Variants in PPP2R2B observed in about 807,000 individuals in gnomAD.
The protein encoded by PPP2R2B is serine/threonine-protein phosphatase 2A 55 kDa regulatory subunit B beta isoform.
A neutral mutation model predicts 46.0 loss-of-function variants in PPP2R2B; 5 were observed. That is an observed-to-expected ratio of 0.11 (90% CI 0.06 to 0.23). PPP2R2B has a LOEUF of 0.23. PPP2R2B is among the 10% of genes least tolerant of loss of function. The probability of loss-of-function intolerance (pLI) is 1.00; values close to 1 mark genes in which losing one functional copy is unlikely to be tolerated. For synonymous variants in PPP2R2B, 215 were observed against 206.7 expected (o/e 1.04, Z -0.34); for missense variants, 367 against 575.0 (o/e 0.64, Z 3.70).
chr5:147,015,508 C>T (rs1162839679), intron 1 of PPP2R2B, among the ~76,000 whole-genome samples: 1 of 151,532 alleles, frequency 6.6e-6, no homozygotes, highest in African/African-American at 2.4e-5. Flanking sequence ...ATGCCTAAAT[C>T]AAAAGCCATC....
intron 1 of PPP2R2B, among the ~76,000 whole-genome samples, chr5:146,910,375 C>T (rs1444164203): frequency 1.3e-5 from 2 of 152,200 alleles, no homozygotes; most frequent in Admixed American, 6.5e-5. Context: ...AAGGATGAGA[C>T]AAGTGTAGTG....
At chr5:146,617,422 A>C (rs1264130093) in intron 7 of PPP2R2B, among the ~76,000 whole-genome samples, 5 of 152,214 alleles carry the variant, frequency 3.3e-5, no homozygotes. Flanking sequence ...CGTTTACCCC[A>C]ATGTGATTAT....
chr5:146,849,173 G>T (rs1168089658), intron 2 of PPP2R2B, among the ~76,000 whole-genome samples: 2 of 152,116 alleles, frequency 1.3e-5, no homozygotes, highest in East Asian at 3.9e-4. Flanking sequence ...TAGAAATCAA[G>T]ATCTGGGTGC....
At chr5:146,925,846 C>T (rs887385156) in intron 1 of PPP2R2B, among the ~76,000 whole-genome samples, 1 of 152,052 alleles carries the variant, frequency 6.6e-6, no homozygotes, top group African/African-American at 2.4e-5. Context: ...GTTTTCTCAC[C>T]ATTCTCTAGA....
intron 1 of PPP2R2B, among the ~76,000 whole-genome samples, chr5:146,982,847 C>T (rs1753237477): frequency 6.6e-6 from 1 of 152,018 alleles, no homozygotes; most frequent in African/African-American, 2.4e-5. Flanking sequence ...GTTAATGTAG[C>T]CACTTCTGCT....
At chr5:146,808,996 C>T (rs868580536) in intron 2 of PPP2R2B, among the ~76,000 whole-genome samples, 14 of 122,386 alleles carry the variant, frequency 1.1e-4, no homozygotes, top group South Asian at 5.8e-4. Flanking sequence ...TGTGTGTGTG[C>T]GCGCGCACCC....
chr5:146,891,425 CA>C (rs1169909927), intron 1 of PPP2R2B, among the ~76,000 whole-genome samples: 1 of 152,214 alleles, frequency 6.6e-6, no homozygotes, highest in African/African-American at 2.4e-5. Flanking sequence ...TCATTGTCTA[CA>C]TGGATGCTAG....
At chr5:146,816,581 A>G (rs1291358169) in intron 2 of PPP2R2B, among the ~76,000 whole-genome samples, 1 of 152,220 alleles carries the variant, frequency 6.6e-6, no homozygotes, top group East Asian at 1.9e-4. Flanking sequence ...TGCATTCAAC[A>G]TGATTTCAAT....
chr5:146,829,141 C>A (rs779610497), intron 2 of PPP2R2B, among the ~76,000 whole-genome samples: 1 of 152,038 alleles, frequency 6.6e-6, no homozygotes, highest in Non-Finnish European at 1.5e-5. Flanking sequence ...AATTATACTG[C>A]AAGACAAGGG....
intron 2 of PPP2R2B, among the ~76,000 whole-genome samples, chr5:146,774,011 C>T (rs768191747): frequency 2.6e-5 from 4 of 152,236 alleles, no homozygotes; most frequent in African/African-American, 9.6e-5. Context: ...ATCTTAGTAT[C>T]CATAAGCAAA....
intron 2 of PPP2R2B, among the ~76,000 whole-genome samples, chr5:146,840,073 T>C (rs1759535512): frequency 6.6e-6 from 1 of 152,192 alleles, no homozygotes; most frequent in South Asian, 2.1e-4. Context: ...AGCAGAGAGC[T>C]AAAATGAAAA....
chr5:146,627,609 A>T (rs1312320296), intron 7 of PPP2R2B, among the ~76,000 whole-genome samples: 1 of 152,182 alleles, frequency 6.6e-6, no homozygotes, highest in African/African-American at 2.4e-5. Flanking sequence ...CATGCTCTTT[A>T]TCCTGTCAGA....
intron 1 of PPP2R2B, among the ~76,000 whole-genome samples, chr5:147,016,485 A>G (rs1448183085): frequency 1.3e-5 from 2 of 151,864 alleles, no homozygotes; most frequent in East Asian, 2.0e-4. Context: ...ATTTCCTTGT[A>G]TATAAAAAGG....
At position 146,764,135 on chromosome 5, in the gene PPP2R2B, G is replaced by A. The variant is rs941159794; in HGVS notation, c.71-62993C>T. Among the ~76,000 whole-genome samples the A allele has an allele frequency of 7.9e-5, 12 of 152,206 alleles. 1 individual carries two copies. The East Asian group carries it at 1.6e-3, about 20-fold the overall frequency. On this transcript the variant is annotated intron_variant, in intron 2 of 9. Coordinates refer to ENST00000394411, the MANE Select transcript of PPP2R2B (RefSeq NM_181675.4). The stretch of plus-strand genomic sequence containing the variant: ...CTCAACACAGAGAAGATGGAAGCTG[G>A]TTTGAGTCTGAAGGACTTCATGGAG...
Position 146,942,395 on chromosome 5 carries a change from G to A in PPP2R2B, c.79+113270C>T, listed in dbSNP as rs1026944100. ...AAAACAAATGTTCTTTTCTTATACC[G>A]TCAGAAATAAGTCAAGTTCAAGGAC... On this transcript the variant is annotated intron_variant, in intron 1 of 8. Coordinates refer to the PPP2R2B transcript ENST00000336640. Among the ~76,000 whole-genome samples the A allele has an allele frequency of 7.9e-5, 12 of 152,208 alleles. No individual in the cohort carries two copies. The East Asian group carries it at 1.9e-3, about 25-fold the overall frequency.
chr5:146,782,008 G>A (rs934077563), intron 2 of PPP2R2B, among the ~76,000 whole-genome samples: 1 of 152,112 alleles, frequency 6.6e-6, no homozygotes, highest in Non-Finnish European at 1.5e-5. Context: ...CTGTTGTCAC[G>A]ATAATAAGCT....
At chr5:146,680,501 T>C (rs1261057480) in intron 5 of PPP2R2B, among the ~76,000 whole-genome samples, 1 of 150,928 alleles carries the variant, frequency 6.6e-6, no homozygotes, top group South Asian at 2.1e-4. Flanking sequence ...CATATGTGAC[T>C]AACCTGCACA....
At chr5:146,600,514 T>C (rs1230481250) in intron 7 of PPP2R2B, 54 bp from the exon 8 acceptor site, 8 of 1,568,684 alleles carry the variant, frequency 5.1e-6, no homozygotes, top group Non-Finnish European at 6.1e-6. Flanking sequence ...CAACTGACTC[T>C]AACATGTTTG....
chr5:146,704,861 G>A (rs1779740719), intron 2 of PPP2R2B, among the ~76,000 whole-genome samples: 1 of 152,162 alleles, frequency 6.6e-6, no homozygotes, highest in South Asian at 2.1e-4. Flanking sequence ...ATGATTGTGA[G>A]GCTTACGGAA....
Sources: gnomAD v4.1 joint callset for allele counts (sites outside exome capture counted in the v4.1 genomes callset) on GRCh38, gnomAD v4.1.1 for gene constraint, MANE v1.5 for transcripts, NCBI Gene and HGNC (gene_info 2026-07-23, HGNC 2026-07-21) for gene names.